HECTD4: variants seen among roughly 807,000 people sequenced by gnomAD.
HECTD4 encodes probable E3 ubiquitin-protein ligase HECTD4.
Under a neutral mutation model 471.5 loss-of-function variants are expected in HECTD4, and 114 were observed. The observed-to-expected ratio is 0.24, with a 90% confidence interval of 0.21 to 0.28. The LOEUF is 0.28. Among genes scored for constraint, HECTD4 ranks in the 10% least tolerant of loss-of-function variants. The pLI is 1.00. For synonymous variants in HECTD4, 2,012 were observed against 2,256.0 expected (o/e 0.89, Z 3.07); for missense variants, 3,866 against 5,651.5 (o/e 0.68, Z 10.13).
intron 11 of HECTD4, 46 bp from the exon 12 acceptor site, chr12:112,270,505 G>GGACCACCCATAGAGA: frequency 6.7e-7 from 1 of 1,487,944 alleles, no homozygotes; most frequent in Non-Finnish European, 9.4e-7. Flanking sequence ...ATCTCTATGG[G>GGACCACCCATAGAGA]TGGTCCCCAA....
chr12:112,367,841 A>C (rs1413218643), intron 1 of HECTD4, among the ~76,000 whole-genome samples: 9 of 150,222 alleles, frequency 6.0e-5, no homozygotes, highest in South Asian at 2.1e-4. Context: ...AAAAAAAAAA[A>C]AAAAAAACGC....
intron 2 of HECTD4, among the ~76,000 whole-genome samples, chr12:112,315,004 G>T (rs1033537938): frequency 6.6e-6 from 1 of 152,132 alleles, no homozygotes; most frequent in Non-Finnish European, 1.5e-5. Context: ...TGACCAAAAA[G>T]AATATATTCA....
chr12:112,331,118 C>A (rs1420269666), intron 1 of HECTD4, among the ~76,000 whole-genome samples: 1 of 152,132 alleles, frequency 6.6e-6, no homozygotes, highest in Non-Finnish European at 1.5e-5. Context: ...ATCACCCAGG[C>A]TGGAGTGCAC....
At chr12:112,208,748 A>G in intron 50 of HECTD4, 118 bp from the exon 51 acceptor site, 1 of 750,988 alleles carries the variant, frequency 1.3e-6, no homozygotes, top group Non-Finnish European at 2.0e-6. Flanking sequence ...GACTCCTAGT[A>G]CACTGAGGAA....
intron 7 of HECTD4, among the ~76,000 whole-genome samples, chr12:112,294,326 T>C (rs2034958687): frequency 6.6e-6 from 1 of 152,154 alleles, no homozygotes; most frequent in Non-Finnish European, 1.5e-5. Flanking sequence ...AGATTAATCA[T>C]AACTCAGTAG....
At chr12:112,253,133 T>C (rs1184859548) in intron 22 of HECTD4, among the ~76,000 whole-genome samples, 3 of 148,196 alleles carry the variant, frequency 2.0e-5, no homozygotes, top group Admixed American at 6.7e-5. Flanking sequence ...ATTTCTCTCT[T>C]TTTTTTTTTG....
intron 55 of HECTD4, among the ~76,000 whole-genome samples, chr12:112,195,573 T>C (rs1310985420): frequency 6.6e-6 from 1 of 152,030 alleles, no homozygotes; most frequent in Non-Finnish European, 1.5e-5. Flanking sequence ...AAACAGAAAA[T>C]AGATTGGTGG....
chr12:112,167,599 ATG>A (rs2031023322), intron 71 of HECTD4, 61 bp from the exon 72 acceptor site: 2 of 1,345,306 alleles, frequency 1.5e-6, no homozygotes, highest in African/African-American at 1.5e-5. Flanking sequence ...GCCAGGGAAC[ATG>A]TGTTTCAAGC....
chr12:112,200,918 C>G, intron 54 of HECTD4, 120 bp from the exon 55 acceptor site: 1 of 834,482 alleles, frequency 1.2e-6, no homozygotes, highest in Non-Finnish European at 1.8e-6. Flanking sequence ...TGTGTATTTT[C>G]AGTCCAGGCT....
chr12:112,335,416 T>C (rs1056497754), intron 1 of HECTD4, among the ~76,000 whole-genome samples: 1 of 151,976 alleles, frequency 6.6e-6, no homozygotes, highest in Non-Finnish European at 1.5e-5. Flanking sequence ...TAAAAGACTA[T>C]AAATTGCGGC....
chr12:112,286,832 T>C (rs547584495), intron 7 of HECTD4, among the ~76,000 whole-genome samples: 3 of 152,304 alleles, frequency 2.0e-5, no homozygotes, highest in Non-Finnish European at 4.4e-5. Context: ...CTCCTCAGCA[T>C]CATCTGCCTC....
Position 112,169,576 on chromosome 12 carries a change from G to C in HECTD4, c.12135C>G (p.Val4045=), listed in dbSNP as rs1462109553. The change falls in exon 70 of 76, where the codon GTC becomes GTG. Residue 4045 remains valine, a synonymous_variant. Transcript: ENST00000682272. The stretch of plus-strand genomic sequence containing the variant: ...TGGGGTCACCGCCACTGGCCAGCTT[G>C]ACGCAGAGCTGAGACGACGGCACTG... ...LASVPSSQLC[V]KLASGGDPTY... is the part of the protein sequence containing the mutation. The C allele has an allele frequency of 9.9e-6, 16 of 1,613,550 alleles. No individual in the cohort carries two copies. Among genetic ancestry groups the C allele is most frequent in the Non-Finnish European group, 1.2e-5 (14 of 1,179,892 alleles).
rs1177765124 is a variant in HECTD4 at position 112,203,739 on chromosome 12, T to C, written c.8303A>G (p.Asn2768Ser). 3.1e-6 allele frequency: 5 copies of C among 1,612,740 alleles called. No individual in the cohort carries two copies. Among genetic ancestry groups the C allele is most frequent in the African/African-American group, 1.3e-5 (1 of 75,028 alleles). The change falls in exon 54 of 76, where the codon AAT becomes AGT. Residue 2768 changes from asparagine (N) to serine (S), a missense_variant. Asn to Ser is a conservative substitution (Grantham distance 46). This residue lies in a region of HECTD4 where 266 missense variants were observed against 441.6 expected (regional missense o/e 0.60). Transcript: ENST00000682272. ...LTVVTRSPDS[N>S]NVASSAVGTA... is the part of the protein sequence containing the mutation. ...TCCAACAGCACTGCTGGCTACATTA[T>C]TGCTGTCTGGAGAGCGGGTTACTAC... is the stretch of plus-strand genomic sequence containing the variant.
chr12:112,350,781 T>C (rs561060690), intron 1 of HECTD4, among the ~76,000 whole-genome samples: 31 of 152,366 alleles, frequency 2.0e-4, no homozygotes, highest in Non-Finnish European at 3.5e-4. Flanking sequence ...CAGCTTGCTC[T>C]GATTTATGGT....
intron 7 of HECTD4, among the ~76,000 whole-genome samples, chr12:112,283,994 T>C (rs2034697714): frequency 1.3e-5 from 2 of 151,484 alleles, no homozygotes; most frequent in South Asian, 2.1e-4. Context: ...TGGCTTTCTG[T>C]ATTGCTAAAA....
intron 1 of HECTD4, among the ~76,000 whole-genome samples, chr12:112,367,243 G>A (rs2036578545): frequency 6.7e-6 from 1 of 150,152 alleles, no homozygotes; most frequent in Admixed American, 6.7e-5. Flanking sequence ...AGGTTGCAGT[G>A]AGCCGAGATT....
intron 16 of HECTD4, 116 bp from the exon 17 acceptor site, chr12:112,264,328 C>T (rs1438556336): frequency 8.6e-6 from 9 of 1,046,696 alleles, no homozygotes; most frequent in South Asian, 2.7e-5. Context: ...ATAAAAAAAA[C>T]AGACCAAGTT....
chr12:112,184,500 G>A lies in HECTD4; in HGVS notation c.10466C>T (p.Thr3489Ile). 1.2e-6 allele frequency: 2 copies of A among 1,609,584 alleles called. No individual in the cohort carries two copies. Among genetic ancestry groups the A allele is most frequent in the Non-Finnish European group, 8.5e-7 (1 of 1,178,302 alleles). Residue 3489 changes from threonine (T) to isoleucine (I), a missense_variant, in exon 61 of 76, where the codon ACC becomes ATC. This residue lies in a region of HECTD4 where 192 missense variants were observed against 189.9 expected (regional missense o/e 1.01). Transcript: ENST00000682272. The surrounding 1 kb of genome is among the most constrained non-coding windows in gnomAD (Gnocchi z 9.1). ...CGAGCTGCAGATGGAGGCCTGGCTG[G>A]TGGAGGCGGAGGCGCTGATGCTCAT... ...PAMSISASASTSQASICSSQG... is the reference protein window; with the variant it reads ...PAMSISASASISQASICSSQG...
chr12:112,177,088 T>G (rs534546089), intron 64 of HECTD4, among the ~76,000 whole-genome samples: 33 of 152,296 alleles, frequency 2.2e-4, no homozygotes, highest in African/African-American at 7.7e-4. Context: ...TAGCCAGTTG[T>G]GGTTAGGGGC....
Sources: gnomAD v4.1 joint callset for allele counts (sites outside exome capture counted in the v4.1 genomes callset) on GRCh38, gnomAD v4.1.1 for gene constraint, gnomAD v4.1.1 regional missense constraint, Gnocchi (gnomAD v3.1) non-coding constraint, MANE v1.5 for transcripts, NCBI Gene and HGNC (gene_info 2026-07-23, HGNC 2026-07-21) for gene names.